The following COL21A1 variants were observed in gnomAD, a reference collection of about 807,000 sequenced individuals.
COL21A1 encodes collagen alpha-1(XXI) chain.
A neutral mutation model predicts 137.9 loss-of-function variants in COL21A1; 149 were observed. The observed-to-expected ratio is 1.08, with a 90% CI of 0.95 to 1.24. The LOEUF (loss-of-function observed/expected upper bound fraction) is 1.24, where lower values mean the gene tolerates loss of function less well. Ranked by LOEUF, COL21A1 falls within the 50% of genes most tolerant of loss-of-function variation. COL21A1 has a pLI of 0.00. For synonymous variants in COL21A1, 456 were observed against 391.5 expected (o/e 1.16, Z -1.95); for missense variants, 1,167 against 1,158.4 (o/e 1.01, Z -0.11).
At chr6:56,297,410 A>G (rs556671217) in intron 1 of COL21A1, among the ~76,000 whole-genome samples, 1 of 152,230 alleles carries the variant, frequency 6.6e-6, no homozygotes, top group African/African-American at 2.4e-5. Context: ...CACTACCTTA[A>G]AATTTAATCA....
intron 1 of COL21A1, among the ~76,000 whole-genome samples, chr6:56,355,420 G>A (rs901889925): frequency 2.0e-5 from 3 of 152,052 alleles, no homozygotes; most frequent in African/African-American, 4.8e-5. Flanking sequence ...GAAAAAAAAG[G>A]GAGAGACGGG....
intron 1 of COL21A1, among the ~76,000 whole-genome samples, chr6:56,333,512 A>G (rs1313094867): frequency 6.6e-6 from 1 of 152,120 alleles, no homozygotes; most frequent in Non-Finnish European, 1.5e-5. Flanking sequence ...TAAATATATC[A>G]CAATCATTTT....
intron 3 of COL21A1, among the ~76,000 whole-genome samples, chr6:56,173,926 A>T (rs1470022834): frequency 6.6e-6 from 1 of 152,214 alleles, no homozygotes; most frequent in Non-Finnish European, 1.5e-5. Context: ...ATTCTCCAGG[A>T]CAGACCACAT....
intron 1 of COL21A1, among the ~76,000 whole-genome samples, chr6:56,204,769 C>A (rs534235838): frequency 1.3e-5 from 2 of 152,296 alleles, no homozygotes; most frequent in South Asian, 4.1e-4. Context: ...TGGGATGAAA[C>A]TTCCAGAGGA....
At chr6:56,171,253 T>G in intron 3 of COL21A1, 125 bp from the exon 4 acceptor site, 1 of 531,348 alleles carries the variant, frequency 1.9e-6, no homozygotes, top group Non-Finnish European at 3.2e-6. Flanking sequence ...TACATATGTA[T>G]ACAAATGTAT....
chr6:56,060,018 C>A lies in COL21A1; in HGVS notation c.2608G>T (p.Gly870Cys). 6.3e-7 allele frequency: 1 copy of A among 1,592,132 alleles called. No individual in the cohort carries two copies. Among genetic ancestry groups the A allele is most frequent in the South Asian group, 1.1e-5 (1 of 87,006 alleles). ...TTTCTTGTTGAAACTAACTGCATAC[C>A]TTTTAATCCTCTGACACCTGGACGT... ...PGRPGVRGLK[G>C]LPGRNGEKGS... Residue 870 changes from glycine to cysteine, a missense_variant and splice_region_variant, in exon 28 of 30, where the codon GGC becomes TGC. Coordinates refer to ENST00000244728, the MANE Select transcript of COL21A1 (RefSeq NM_030820.4).
At position 56,179,754 on chromosome 6, in the gene COL21A1, G is replaced by A; in HGVS notation, c.464C>T (p.Ala155Val). The change falls in exon 3 of 30, where the codon GCT (alanine) becomes GTT (valine). Residue 155 changes from alanine (A) to valine (V), a missense_variant. By Grantham distance (64) the Ala-to-Val change is moderately conservative. Coordinates refer to ENST00000244728, the MANE Select transcript of COL21A1 (RefSeq NM_030820.4). The stretch of plus-strand genomic sequence containing the variant: ...TATCTTACTATCTCTTGCTGCTTGA[G>A]CTGCATCCTTGACGTCATCTTGGGA... ...GKSQDDVKDA[A>V]QAARDSKITL... is the part of the protein sequence containing the mutation. The A allele has an allele frequency of 1.9e-6, 3 of 1,613,874 alleles. No homozygotes were observed. Among genetic ancestry groups the A allele is most frequent in the Non-Finnish European group, 1.7e-6 (2 of 1,179,850 alleles).
intron 10 of COL21A1, among the ~76,000 whole-genome samples, chr6:56,148,332 A>AAGAGAGAGAGAGAGAG (rs1554145096): frequency 4.9e-4 from 12 of 24,706 alleles, no homozygotes; most frequent in African/African-American, 1.4e-3. Context: ...TTAGTGAGAC[A>AAGAGAGAGAGAGAGAG]AGAGACAGAG....
chr6:56,058,992 T>C (rs1230030412), intron 29 of COL21A1, among the ~76,000 whole-genome samples, 173 bp downstream of exon 29: 4 of 152,182 alleles, frequency 2.6e-5, no homozygotes, highest in African/African-American at 4.8e-5. Flanking sequence ...GATTCATAAA[T>C]TGAGGATAAT....
intron 9 of COL21A1, among the ~76,000 whole-genome samples, chr6:56,160,094 C>T (rs996216503): frequency 7.2e-5 from 11 of 152,026 alleles, no homozygotes; most frequent in African/African-American, 2.2e-4. Context: ...CTAAGTTATT[C>T]GCAAAAACTC....
At chr6:56,179,311 GA>G (rs1777719728) in intron 3 of COL21A1, among the ~76,000 whole-genome samples, 1 of 151,748 alleles carries the variant, frequency 6.6e-6, no homozygotes, top group Non-Finnish European at 1.5e-5. Context: ...TAATTGAAAG[GA>G]AAAATAATAA....
intron 16 of COL21A1, among the ~76,000 whole-genome samples, chr6:56,102,640 A>G (rs928971547): frequency 3.3e-5 from 5 of 152,210 alleles, no homozygotes; most frequent in African/African-American, 1.2e-4. Flanking sequence ...GAATTTCCCA[A>G]AATTATAGAA....
chr6:56,147,897 C>A (rs939714483), intron 10 of COL21A1, among the ~76,000 whole-genome samples: 2 of 152,152 alleles, frequency 1.3e-5, no homozygotes, highest in African/African-American at 4.8e-5. Context: ...TCCTCCCTGT[C>A]CTCTTTTTCT....
intron 1 of COL21A1, among the ~76,000 whole-genome samples, chr6:56,375,975 C>G (rs2093998448): frequency 6.6e-6 from 1 of 152,118 alleles, no homozygotes; most frequent in Non-Finnish European, 1.5e-5. Context: ...GTAAATAAAA[C>G]TAGTGGATTT....
intron 1 of COL21A1, among the ~76,000 whole-genome samples, chr6:56,339,961 T>C (rs1425541475): frequency 6.6e-6 from 1 of 152,100 alleles, no homozygotes; most frequent in African/African-American, 2.4e-5. Context: ...TATCACACTT[T>C]TGGAAAAAAT....
intron 1 of COL21A1, among the ~76,000 whole-genome samples, chr6:56,238,260 T>G (rs914922396): frequency 2.6e-5 from 4 of 151,984 alleles, no homozygotes; most frequent in African/African-American, 9.6e-5. Flanking sequence ...TCATGTCATA[T>G]TTAGGGCTGC....
chr6:56,189,164 C>T (rs1041080032), intron 1 of COL21A1, among the ~76,000 whole-genome samples: 8 of 151,948 alleles, frequency 5.3e-5, no homozygotes, highest in Non-Finnish European at 1.5e-5. Flanking sequence ...TAATAACAAA[C>T]TCCTTCAAGC....
intron 1 of COL21A1, among the ~76,000 whole-genome samples, chr6:56,300,858 C>T (rs1246071186): frequency 5.9e-5 from 9 of 152,038 alleles, no homozygotes; most frequent in Admixed American, 5.2e-4. Flanking sequence ...AATCAATTTC[C>T]TACACCAGGA....
intron 16 of COL21A1, 44 bp downstream of exon 16, chr6:56,124,018 C>G (rs1772788968): frequency 7.0e-7 from 1 of 1,438,020 alleles, no homozygotes. Flanking sequence ...TCTCAAGATA[C>G]AAAAATCTTT....
Sources: gnomAD v4.1 joint callset for allele counts (sites outside exome capture counted in the v4.1 genomes callset) on GRCh38, gnomAD v4.1.1 for gene constraint, MANE v1.5 for transcripts, NCBI Gene and HGNC (gene_info 2026-07-23, HGNC 2026-07-21) for gene names.